RPL14: variants seen among roughly 807,000 people sequenced by gnomAD.
RPL14 encodes large ribosomal subunit protein eL14.
In RPL14, 4 loss-of-function variants were observed where a neutral mutation model predicts 25.3. The observed-to-expected ratio is 0.16, with a 90% CI of 0.08 to 0.36. The LOEUF is 0.36. Among genes scored for constraint, RPL14 ranks in the 10% least tolerant of loss-of-function variants. The probability of loss-of-function intolerance (pLI) is 1.00; values close to 1 mark genes in which losing one functional copy is unlikely to be tolerated. For synonymous variants in RPL14, 75 were observed against 89.8 expected (o/e 0.84, Z 0.93); for missense variants, 212 against 261.9 (o/e 0.81, Z 1.31).
At position 40,468,488 on chromosome 3, in the gene RPL14, G is replaced by C. The variant is rs141143998; in HGVS notation, c.*6256G>C. 2.6e-4 allele frequency: 40 copies of C among 152,272 alleles called. No homozygotes were observed. The highest frequency in any genetic ancestry group is 3.4e-3 in the Middle Eastern group (1 of 294). 9.4% of individuals were successfully genotyped at this position (152,272 alleles called of 1,614,324 possible). A position where few individuals can be genotyped will look rare whatever the true frequency, so the allele number is the denominator to read the frequency against. On this transcript the variant is annotated 3_prime_UTR_variant, in exon 6 of 6. Coordinates refer to ENST00000396203, the MANE Select transcript of RPL14 (RefSeq NM_001034996.3). The stretch of plus-strand genomic sequence containing the variant: ...GTTCTGTATTTATTCTATTTGGATA[G>C]CCATTAGATAGCCATTAAGTCCACT...
rs1696995026 is a variant in RPL14, at chr3:40,464,226, C to T, written c.*1994C>T. ...CTGTCCGCCTTGGCCTCCCAAAGTG[C>T]TGGGATTACAGGCGTGAGCCACCGC... is the stretch of plus-strand genomic sequence containing the variant. On this transcript the variant is annotated 3_prime_UTR_variant, in exon 6 of 6. Transcript: ENST00000396203. 3 of 343,500 alleles carry T rather than the reference C, an allele frequency of 8.7e-6. No individual in the cohort carries two copies. Among genetic ancestry groups the T allele is most frequent in the Non-Finnish European group, 1.7e-5 (3 of 173,700 alleles). 21.3% of individuals were successfully genotyped at this position (343,500 alleles called of 1,614,324 possible).
Position 40,458,778 on chromosome 3 carries a change from TG to T in RPL14, c.200+43del, listed in dbSNP as rs763449709. On this transcript the variant is annotated intron_variant, in intron 3 of 5. Transcript: ENST00000396203. Reference sequence around the variant, plus strand: ...CACTCCTCCCTCCCATCCCCAGATTTGTTTATGCTAGTAAAAGTTTGTTTTG... The same window carrying T: ...CACTCCTCCCTCCCATCCCCAGATTTTTTATGCTAGTAAAAGTTTGTTTTG... 3 of 1,524,628 alleles carry T rather than the reference TG, an allele frequency of 2.0e-6. No individual in the cohort carries two copies. In the African/African-American group the frequency reaches 4.1e-5, roughly 21 times the overall value. 94.4% of individuals were successfully genotyped at this position (1,524,628 alleles called of 1,614,324 possible). A position where few individuals can be genotyped will look rare whatever the true frequency, so the allele number is the denominator to read the frequency against.
intron 1 of RPL14, 35 bp downstream of exon 1, chr3:40,457,509 G>C: frequency 6.7e-7 from 1 of 1,497,736 alleles, no homozygotes; most frequent in Non-Finnish European, 9.1e-7. Flanking sequence ...CAGCGGAATC[G>C]GGCCCTTCCC....
At position 40,457,394 on chromosome 3, in the gene RPL14, G is replaced by A. The variant is rs1294422769; in HGVS notation, c.-78G>A. The A allele has an allele frequency of 1.2e-6, 2 of 1,600,358 alleles. No individual in the cohort carries two copies. Among genetic ancestry groups the A allele is most frequent in the Admixed American group, 3.4e-5 (2 of 58,844 alleles). On this transcript the variant is annotated 5_prime_UTR_variant, in exon 1 of 6. Coordinates refer to ENST00000396203, the MANE Select transcript of RPL14 (RefSeq NM_001034996.3). ...TCTTACTGTTGCGGGCTCCGGGGCC[G>A]TCGACCATGCCGCTCGACCTCCACC...
intron 3 of RPL14, among the ~76,000 whole-genome samples, chr3:40,460,715 G>A (rs1317165271): frequency 6.6e-6 from 1 of 151,666 alleles, no homozygotes; most frequent in East Asian, 1.9e-4. Flanking sequence ...CCAAGTAGCT[G>A]GGATTATAGG....
At position 40,462,373 on chromosome 3, in the gene RPL14, CTTTTTTTT is replaced by C. The variant is rs35229215; in HGVS notation, c.*155_*162del. On this transcript the variant is annotated 3_prime_UTR_variant, in exon 6 of 6. Coordinates refer to ENST00000396203, the MANE Select transcript of RPL14 (RefSeq NM_001034996.3). ...ATAATAAACATTAAATAATCAGTTCCTTTTTTTTTTTTTTTTTTTTTGAGATGGAGTCT... is the reference window on the plus strand; with the variant it reads ...ATAATAAACATTAAATAATCAGTTCCTTTTTTTTTTTTTGAGATGGAGTCT... 2.2e-4 allele frequency: 73 copies of C among 332,368 alleles called. No individual in the cohort carries two copies. The highest frequency in any genetic ancestry group is 6.9e-4 in the Admixed American group (10 of 14,456). 20.6% of individuals were successfully genotyped at this position (332,368 alleles called of 1,614,324 possible).
At chr3:40,458,413 C>T (rs982745317) in intron 2 of RPL14, 3 of 565,966 alleles carry the variant, frequency 5.3e-6, no homozygotes, top group African/African-American at 1.9e-5. Context: ...CTATGGGGTA[C>T]TATATAGTTT....
rs1696974270 is a variant in RPL14 at position 40,463,124 on chromosome 3, C to CATAG, written c.*892_*893insATAG. On this transcript the variant is annotated 3_prime_UTR_variant, in exon 6 of 6. Coordinates refer to ENST00000396203, the MANE Select transcript of RPL14 (RefSeq NM_001034996.3). Reference sequence around the variant, plus strand: ...ACTGGGTTTCACTATGTTGGCCAGGCTGGTTTTGAACTCCTGACCTCGTGA... The same window carrying CATAG: ...ACTGGGTTTCACTATGTTGGCCAGGCATAGTGGTTTTGAACTCCTGACCTCGTGA... 1 of 151,784 alleles carries CATAG rather than the reference C, an allele frequency of 6.6e-6. No individual in the cohort carries two copies. The highest frequency in any genetic ancestry group is 1.5e-5 in the Non-Finnish European group (1 of 67,962). 9.4% of individuals were successfully genotyped at this position (151,784 alleles called of 1,614,324 possible).
At chr3:40,457,520 G>T in intron 1 of RPL14, 46 bp downstream of exon 1, 1 of 1,436,854 alleles carries the variant, frequency 7.0e-7, no homozygotes. Context: ...GGCCCTTCCC[G>T]GACTCGCGCC....
rs1696991837 is a variant in RPL14 at position 40,464,045 on chromosome 3, C to G, written c.*1813C>G. ...AATGTAGTGGCACGATCTCAGCTCACTGCGACCTCCACCTCCCAGGTTCAA... is the reference window on the plus strand; with the variant it reads ...AATGTAGTGGCACGATCTCAGCTCAGTGCGACCTCCACCTCCCAGGTTCAA... On this transcript the variant is annotated 3_prime_UTR_variant, in exon 6 of 6. Transcript: ENST00000396203. The G allele has an allele frequency of 6.1e-6, 1 of 163,046 alleles. No individual in the cohort carries two copies. The highest frequency in any genetic ancestry group is 2.4e-5 in the African/African-American group (1 of 41,452). The allele number at this position is 163,046 out of a possible 1,614,324, so 10.1% of individuals were successfully genotyped here.
intron 3 of RPL14, among the ~76,000 whole-genome samples, chr3:40,459,388 T>G (rs565355173): frequency 6.6e-6 from 1 of 152,332 alleles, no homozygotes; most frequent in African/African-American, 2.4e-5. Flanking sequence ...TTACACAGTA[T>G]TTAATATAAG....
rs142774681 is a variant in RPL14, at chr3:40,464,048, C to T, written c.*1816C>T. The T allele has an allele frequency of 6.8e-3, 1,102 of 162,478 alleles. 7 individuals carry two copies. The highest frequency in any genetic ancestry group is 0.014 in the African/African-American group (579 of 41,492). 10.1% of individuals were successfully genotyped at this position (162,478 alleles called of 1,614,324 possible). ...GTAGTGGCACGATCTCAGCTCACTG[C>T]GACCTCCACCTCCCAGGTTCAAGTT... is the stretch of plus-strand genomic sequence containing the variant. On this transcript the variant is annotated 3_prime_UTR_variant, in exon 6 of 6. Transcript: ENST00000396203.
rs2125628062 is a variant in RPL14, at chr3:40,467,917, T to G, written c.*5685T>G. ...CTCACTGCAACCTCTGCCTCCCGGG[T>G]TCAAGCAGTTCTCCTGCCTCAACCT... On this transcript the variant is annotated 3_prime_UTR_variant, in exon 6 of 6. Coordinates refer to ENST00000396203, the MANE Select transcript of RPL14 (RefSeq NM_001034996.3). The G allele has an allele frequency of 6.6e-6, 1 of 151,514 alleles. No individual in the cohort carries two copies. The allele number at this position is 151,514 out of a possible 1,614,324, so 9.4% of individuals were successfully genotyped here.
intron 2 of RPL14, 86 bp from the exon 3 acceptor site, chr3:40,458,556 G>T: frequency 9.7e-7 from 1 of 1,031,064 alleles, no homozygotes; most frequent in African/African-American, 1.6e-5. Flanking sequence ...TGATGGCCCT[G>T]AACGGATAAG....
intron 3 of RPL14, chr3:40,459,246 T>C (rs1014984574): frequency 1.3e-5 from 2 of 154,082 alleles, no homozygotes; most frequent in African/African-American, 4.8e-5. Flanking sequence ...TTTAGGGCTT[T>C]GCCTTTGTTT....
rs961389279 is a variant in RPL14, at chr3:40,464,607, T to A, written c.*2375T>A. The A allele has an allele frequency of 6.8e-6, 3 of 440,184 alleles. No homozygotes were observed. Among genetic ancestry groups the A allele is most frequent in the African/African-American group, 2.0e-5 (1 of 49,486 alleles). The allele number at this position is 440,184 out of a possible 1,614,324, so 27.3% of individuals were successfully genotyped here. ...ACACGGGAAGCTACTGAGGGTTTTT[T>A]AAAATGGCGTGATATCTCAGATTTA... On this transcript the variant is annotated 3_prime_UTR_variant, in exon 6 of 6. Transcript: ENST00000396203.
chr3:40,466,096 CG>C lies in RPL14; in HGVS notation c.*3867del, dbSNP rs1697024457. On this transcript the variant is annotated 3_prime_UTR_variant, in exon 6 of 6. Coordinates refer to ENST00000396203, the MANE Select transcript of RPL14 (RefSeq NM_001034996.3). ...ATCCCAGCTACTTGGGAGGCTGAGG[CG>C]GGAGAATCGCTTGAACCCAGGAGGT... 1 of 152,050 alleles carries C rather than the reference CG, an allele frequency of 6.6e-6. No homozygotes were observed. Among genetic ancestry groups the C allele is most frequent in the Non-Finnish European group, 1.5e-5 (1 of 68,118 alleles). The allele number at this position is 152,050 out of a possible 1,614,324, so 9.4% of individuals were successfully genotyped here.
chr3:40,459,858 C>CGAAAA lies in RPL14; in HGVS notation c.200+1122_200+1123insGAAAA, dbSNP rs757780934. On this transcript the variant is annotated intron_variant, in intron 3 of 5. Transcript: ENST00000396203. The stretch of plus-strand genomic sequence containing the variant: ...TGGGTGACAGAGCGAGACTCCGTTT[C>CGAAAA]AAAAAAAAAAAAAAAAAAAAAACTT... 2.6e-4 allele frequency among the ~76,000 whole-genome samples: 24 copies of CGAAAA among 90,956 alleles called. 1 individual carries two copies. Among genetic ancestry groups the CGAAAA allele is most frequent in the African/African-American group, 1.1e-3 (23 of 21,258 alleles). 59.7% of individuals were successfully genotyped at this position (90,956 alleles called of 152,430 possible). A position where few individuals can be genotyped will look rare whatever the true frequency, so the allele number is the denominator to read the frequency against.
intron 3 of RPL14, among the ~76,000 whole-genome samples, chr3:40,459,672 G>A (rs1184928256): frequency 1.3e-5 from 2 of 151,940 alleles, no homozygotes; most frequent in African/African-American, 4.8e-5. Flanking sequence ...TGGCTAACAC[G>A]GTGAAACCCC....
Sources: allele counts gnomAD v4.1 joint callset (sites outside exome capture counted in the v4.1 genomes callset), GRCh38; gene constraint gnomAD v4.1.1; transcripts MANE v1.5; gene names NCBI Gene and HGNC (gene_info 2026-07-23, HGNC 2026-07-21).